Variants in STK31 observed in about 807,000 individuals in gnomAD.
The protein encoded by STK31 is serine/threonine kinase 31, also known as serine/threonine-protein kinase 31.
STK31 carries 89 observed loss-of-function variants against 129.7 expected under a neutral mutation model. The ratio of observed to expected loss-of-function variants is 0.69; its 90% CI spans 0.58 to 0.82. The LOEUF (loss-of-function observed/expected upper bound fraction) is 0.82, where lower values mean the gene tolerates loss of function less well. STK31 is among the 40% of genes least tolerant of loss of function. The pLI is 0.00. For synonymous variants in STK31, 448 were observed against 395.3 expected (o/e 1.13, Z -1.58); for missense variants, 1,187 against 1,176.4 (o/e 1.01, Z -0.13).
At position 23,815,124 on chromosome 7, in the gene STK31, A is replaced by G. The variant is rs1444323963; in HGVS notation, c.2761-20A>G. ...GTATTAATACATTGGACATTTATTC[A>G]TTCTTACTTTCTTTCACAGCTTTCT... On this transcript the variant is annotated intron_variant, in intron 22 of 23. Transcript: ENST00000355870. 1.3e-6 allele frequency: 2 copies of G among 1,582,268 alleles called. No individual in the cohort carries two copies. The highest frequency in any genetic ancestry group is 3.6e-5 in the Admixed American group (2 of 56,252).
At chr7:23,747,720 A>T (rs1170371126) in intron 8 of STK31, among the ~76,000 whole-genome samples, 1 of 152,204 alleles carries the variant, frequency 6.6e-6, no homozygotes, top group Non-Finnish European at 1.5e-5. Flanking sequence ...TCAAAGAATT[A>T]GTTCATTTAA....
At chr7:23,726,060 G>C (rs1421225240) in intron 4 of STK31, 1 of 152,116 alleles carries the variant, frequency 6.6e-6, no homozygotes, top group Non-Finnish European at 1.5e-5. Context: ...CGTTTTTAGG[G>C]ATCTGCCTCT....
At position 23,710,222 on chromosome 7, in the gene STK31, G is replaced by A. The variant is rs1785839958; in HGVS notation, c.-64G>A. Reference sequence around the variant, plus strand: ...GCAGGCGCAGTGTGGGGCCCTTGCGGTCGAAGCTCACGCGGTAAGCCGCTG... The same window carrying A: ...GCAGGCGCAGTGTGGGGCCCTTGCGATCGAAGCTCACGCGGTAAGCCGCTG... On this transcript the variant is annotated 5_prime_UTR_variant, in exon 1 of 24. Coordinates refer to ENST00000355870, the MANE Select transcript of STK31 (RefSeq NM_031414.5). 1 of 1,611,072 alleles carries A rather than the reference G, an allele frequency of 6.2e-7. No individual in the cohort carries two copies. The highest frequency in any genetic ancestry group is 1.3e-5 in the African/African-American group (1 of 74,998).
chr7:23,755,264 T>C (rs930582144), intron 10 of STK31: 4 of 152,262 alleles, frequency 2.6e-5, no homozygotes, highest in Non-Finnish European at 5.9e-5. Context: ...TTGAGCTTTT[T>C]TTCATATGTT....
Position 23,821,851 on chromosome 7 carries a change from A to G in STK31, c.2829+6639A>G, listed in dbSNP as rs78598484. Among the ~76,000 whole-genome samples the G allele has an allele frequency of 3.5e-3, 532 of 151,604 alleles. 3 individuals carry two copies. The highest frequency in any genetic ancestry group is 5.8e-3 in the Non-Finnish European group (397 of 67,866). On this transcript the variant is annotated intron_variant, in intron 23 of 23. Transcript: ENST00000355870. The stretch of plus-strand genomic sequence containing the variant: ...TATATATGGTGAGAGGTGAGGGTCT[A>G]CTCTTACTCTTTTGCGTATGGCTAT...
intron 22 of STK31, among the ~76,000 whole-genome samples, chr7:23,808,970 T>TGTGTGTGTGTGTGTGTGTGTGTGTGC (rs60631283): frequency 0.049 from 6,843 of 139,340 alleles, 322 homozygotes; most frequent in Non-Finnish European, 0.055. Flanking sequence ...TGTGTGTGTG[T>TGTGTGTGTGTGTGTGTGTGTGTGTGC]GCCTGTGTCT....
Position 23,787,146 on chromosome 7 carries a change from G to A in STK31, c.2487+222G>A, listed in dbSNP as rs544267925. Reference sequence around the variant, plus strand: ...CTTGCACAGGGTCCGTTAGCCAGAGGTAGAGCTGGGACTCGAAATTAAGTC... The same window carrying A: ...CTTGCACAGGGTCCGTTAGCCAGAGATAGAGCTGGGACTCGAAATTAAGTC... On this transcript the variant is annotated intron_variant, in intron 20 of 23. Transcript: ENST00000355870. Among the ~76,000 whole-genome samples the A allele has an allele frequency of 2.0e-5, 3 of 152,256 alleles. No homozygotes were observed. In the East Asian group the frequency reaches 5.8e-4, roughly 29 times the overall value.
Position 23,754,383 on chromosome 7 carries a change from G to C in STK31, c.1202G>C (p.Cys401Ser), listed in dbSNP as rs752769004. The C allele has an allele frequency of 6.2e-7, 1 of 1,614,072 alleles. No individual in the cohort carries two copies. The highest frequency in any genetic ancestry group is 8.5e-7 in the Non-Finnish European group (1 of 1,179,984). ...SDAIQVLDEG[C>S]FTTPASLNGL... ...GCTATACAAGTGTTGGATGAAGGGTGCTTTACTACTCCAGCTTCTTTGAAT... is the reference window on the plus strand; with the variant it reads ...GCTATACAAGTGTTGGATGAAGGGTCCTTTACTACTCCAGCTTCTTTGAAT... The change falls in exon 10 of 24, where the codon TGC (cysteine) becomes TCC (serine). Residue 401 changes from cysteine to serine, a missense_variant. Cys to Ser is a moderately radical substitution (Grantham distance 112). This residue lies in a region of STK31 where 975 missense variants were observed against 934.9 expected (regional missense o/e 1.04). Coordinates refer to ENST00000355870, the MANE Select transcript of STK31 (RefSeq NM_031414.5).
At chr7:23,792,588 T>G (rs909343811) in intron 22 of STK31, among the ~76,000 whole-genome samples, 1 of 152,304 alleles carries the variant, frequency 6.6e-6, no homozygotes, top group East Asian at 1.9e-4. Context: ...ATTTTGCTTA[T>G]TTTTTCAGAA....
chr7:23,774,483 A>AT (rs1422057496), intron 15 of STK31, among the ~76,000 whole-genome samples: 1 of 152,144 alleles, frequency 6.6e-6, no homozygotes, highest in Non-Finnish European at 1.5e-5. Flanking sequence ...TCTAACTGGT[A>AT]TGAGATCGTA....
intron 3 of STK31, among the ~76,000 whole-genome samples, chr7:23,714,398 A>G (rs1018657111): frequency 1.3e-5 from 2 of 152,216 alleles, no homozygotes; most frequent in Non-Finnish European, 2.9e-5. Flanking sequence ...TTATCAGTGT[A>G]AAAAGATTTT....
chr7:23,811,140 G>A (rs770401563), intron 22 of STK31: 2 of 163,578 alleles, frequency 1.2e-5, no homozygotes, highest in Non-Finnish European at 2.7e-5. Context: ...TGCCAGATTT[G>A]TTAATTTTTT....
At chr7:23,712,383 C>T in intron 3 of STK31, 97 bp downstream of exon 3, 1 of 1,126,966 alleles carries the variant, frequency 8.9e-7, no homozygotes, top group Non-Finnish European at 1.3e-6. Context: ...ATACATTTGT[C>T]ATTCTCATTG....
At chr7:23,747,851 C>G (rs926735252) in intron 8 of STK31, among the ~76,000 whole-genome samples, 2 of 152,116 alleles carry the variant, frequency 1.3e-5, no homozygotes, top group Non-Finnish European at 2.9e-5. Context: ...TGTCCTCTGT[C>G]TTTTTTTCCT....
chr7:23,749,404 G>C (rs1323919716), intron 8 of STK31, among the ~76,000 whole-genome samples: 1 of 146,300 alleles, frequency 6.8e-6, no homozygotes, highest in Non-Finnish European at 1.5e-5. Context: ...ATGCAGTGGC[G>C]TGATCTTGGC....
intron 3 of STK31, among the ~76,000 whole-genome samples, chr7:23,713,405 G>A (rs1360296626): frequency 1.3e-5 from 2 of 152,062 alleles, no homozygotes; most frequent in African/African-American, 2.4e-5. Context: ...GTGAAGTCCT[G>A]GGACATTACT....
At chr7:23,811,417 A>C (rs1165356451) in intron 22 of STK31, 2 of 336,894 alleles carry the variant, frequency 5.9e-6, no homozygotes, top group African/African-American at 4.4e-5. Flanking sequence ...TTATGAAGCC[A>C]GCTTGCTGCA....
chr7:23,719,378 T>C (rs1009428844), intron 4 of STK31, among the ~76,000 whole-genome samples: 3 of 151,962 alleles, frequency 2.0e-5, no homozygotes, highest in African/African-American at 7.2e-5. Context: ...ATAGTAAAAT[T>C]ATCATTTAAG....
At chr7:23,720,972 T>C (rs781394508) in intron 4 of STK31, among the ~76,000 whole-genome samples, 10 of 152,194 alleles carry the variant, frequency 6.6e-5, no homozygotes, top group African/African-American at 9.7e-5. Context: ...GCTTGATGAT[T>C]ATTTAAACCT....
Sources: gnomAD v4.1 joint callset for allele counts (sites outside exome capture counted in the v4.1 genomes callset) on GRCh38, gnomAD v4.1.1 for gene constraint, gnomAD v4.1.1 regional missense constraint, MANE v1.5 for transcripts, NCBI Gene and HGNC (gene_info 2026-07-23, HGNC 2026-07-21) for gene names.